Variants in MLPH observed in about 807,000 individuals in gnomAD.
MLPH encodes exophilin-3.
Under a neutral mutation model 72.1 loss-of-function variants are expected in MLPH, and 51 were observed. That is an observed-to-expected ratio of 0.71 (90% CI 0.56 to 0.89). The LOEUF (loss-of-function observed/expected upper bound fraction) is 0.89, where lower values mean the gene tolerates loss of function less well. Among genes scored for constraint, MLPH ranks in the 40% least tolerant of loss-of-function variants. The pLI, the probability that MLPH is intolerant of heterozygous loss-of-function variation, is 0.00. For missense variants in MLPH, 743 were observed against 759.9 expected (o/e 0.98, Z 0.26); for synonymous variants, 301 against 310.1 (o/e 0.97, Z 0.31).
Position 237,552,319 on chromosome 2 carries a change from T to C in MLPH, c.1676-18T>C, listed in dbSNP as rs749551407. 1.2e-6 allele frequency: 2 copies of C among 1,610,498 alleles called. No homozygotes were observed. The highest frequency in any genetic ancestry group is 3.3e-5 in the Admixed American group (2 of 60,010). ...TGTGATTGATAAAGCACCATCCCTCTTCCTGTTTTCCCCAAAGGTAAAGAT... is the reference window on the plus strand; with the variant it reads ...TGTGATTGATAAAGCACCATCCCTCCTCCTGTTTTCCCCAAAGGTAAAGAT... On this transcript the variant is annotated intron_variant, in intron 14 of 15. Transcript: ENST00000264605.
At chr2:237,508,596 C>T (rs2079825360) in intron 2 of MLPH, among the ~76,000 whole-genome samples, 2 of 152,328 alleles carry the variant, frequency 1.3e-5, no homozygotes, top group South Asian at 2.1e-4. Flanking sequence ...CCTTGTGACT[C>T]ACCCCCCTAA....
chr2:237,550,424 G>A (rs2081008533), intron 14 of MLPH, among the ~76,000 whole-genome samples: 1 of 152,328 alleles, frequency 6.6e-6, no homozygotes, highest in African/African-American at 2.4e-5. Flanking sequence ...TCACCAGCCA[G>A]GAGGGCAACT....
At chr2:237,539,049 G>A (rs372351942) in intron 9 of MLPH, among the ~76,000 whole-genome samples, 1 of 152,210 alleles carries the variant, frequency 6.6e-6, no homozygotes, top group Non-Finnish European at 1.5e-5. Context: ...AGGCAGGGGC[G>A]GGTGGGCGCG....
intron 15 of MLPH, 145 bp from the exon 16 acceptor site, chr2:237,553,421 A>G: frequency 1.2e-6 from 1 of 820,634 alleles, no homozygotes; most frequent in Non-Finnish European, 2.0e-6. Context: ...GCATGTGTGC[A>G]CAAACGTGTA....
chr2:237,500,082 C>T (rs900707314), intron 2 of MLPH, among the ~76,000 whole-genome samples: 1 of 152,108 alleles, frequency 6.6e-6, no homozygotes, highest in African/African-American at 2.4e-5. Context: ...TAGAAAAATC[C>T]AATAATGGTA....
intron 2 of MLPH, among the ~76,000 whole-genome samples, chr2:237,506,411 A>G (rs2079772782): frequency 6.6e-6 from 1 of 152,160 alleles, no homozygotes; most frequent in South Asian, 2.1e-4. Context: ...CGAATTGTAG[A>G]AGGAAAGGGC....
At position 237,542,665 on chromosome 2, in the gene MLPH, T is replaced by TG. The variant is rs539913151; in HGVS notation, c.1539+12dup. The stretch of plus-strand genomic sequence containing the variant: ...GGAGGAAGTCAAACCTCCCGGTGAG[T>TG]GGGGGGCAGTGGTGAGTGGAGACAG... On this transcript the variant is annotated splice_region_variant and intron_variant, in intron 12 of 15. Transcript: ENST00000264605. The TG allele has an allele frequency of 1.5e-5, 21 of 1,445,266 alleles. No homozygotes were observed. The highest frequency in any genetic ancestry group is 3.6e-5 in the South Asian group (3 of 82,682). 89.5% of individuals were successfully genotyped at this position (1,445,266 alleles called of 1,614,324 possible).
chr2:237,523,817 C>T (rs376776066), intron 6 of MLPH, among the ~76,000 whole-genome samples: 3 of 152,150 alleles, frequency 2.0e-5, no homozygotes, highest in East Asian at 3.9e-4. Flanking sequence ...AAGAGTTCTC[C>T]TACTAGATTA....
chr2:237,531,246 G>A (rs2080414955), intron 8 of MLPH, among the ~76,000 whole-genome samples: 1 of 152,040 alleles, frequency 6.6e-6, no homozygotes, highest in African/African-American at 2.4e-5. Context: ...TGAGAAAAGG[G>A]GAAGAGCCAA....
At chr2:237,513,125 G>C (rs556109307) in intron 4 of MLPH, among the ~76,000 whole-genome samples, 1 of 151,854 alleles carries the variant, frequency 6.6e-6, no homozygotes, top group Non-Finnish European at 1.5e-5. Flanking sequence ...AAAAAGGAGG[G>C]TAAAAAAGCT....
chr2:237,501,880 T>C (rs991639688), intron 2 of MLPH, among the ~76,000 whole-genome samples: 2 of 152,150 alleles, frequency 1.3e-5, no homozygotes, highest in African/African-American at 4.8e-5. Context: ...ATCTAATGTG[T>C]GTTAAAACTT....
Position 237,540,856 on chromosome 2 carries a change from G to A in MLPH, c.1345G>A (p.Gly449Arg). ...NRQEKSPQDP[G>R]DPVQYNRTTD... ...ACAGGAAAAAAGCCCCCAGGACCCT[G>A]GGGACCCCGTCCAGTACAACAGGAC... Residue 449 changes from glycine (G) to arginine (R), a missense_variant, in exon 11 of 16, where the codon GGG (glycine) becomes AGG (arginine). Coordinates refer to ENST00000264605, the MANE Select transcript of MLPH (RefSeq NM_024101.7). The A allele has an allele frequency of 3.7e-6, 6 of 1,613,368 alleles. No individual in the cohort carries two copies. Among genetic ancestry groups the A allele is most frequent in the Non-Finnish European group, 5.1e-6 (6 of 1,179,974 alleles).
chr2:237,510,463 G>C lies in MLPH; in HGVS notation c.111-111G>C. On this transcript the variant is annotated intron_variant, in intron 2 of 15. Coordinates refer to ENST00000264605, the MANE Select transcript of MLPH (RefSeq NM_024101.7). This position sits in a 1 kb window ranked among gnomAD's most constrained non-coding sequence, Gnocchi z 4.4. ...TTTCTGCATAGGAGACAGTTACTGT[G>C]TGTGTGTATGTGTCTGTGTCTGTGT... The C allele has an allele frequency of 1.0e-6, 1 of 1,002,590 alleles. No homozygotes were observed. The highest frequency in any genetic ancestry group is 2.2e-4 in the Middle Eastern group (1 of 4,532). 62.1% of individuals were successfully genotyped at this position (1,002,590 alleles called of 1,614,324 possible). A position where few individuals can be genotyped will look rare whatever the true frequency, so the allele number is the denominator to read the frequency against.
chr2:237,501,668 A>C lies in MLPH; in HGVS notation c.110+8132A>C, dbSNP rs1435371473. Among the ~76,000 whole-genome samples, 499 of 126,784 alleles carry C rather than the reference A, an allele frequency of 3.9e-3. 1 individual carries two copies. Among genetic ancestry groups the C allele is most frequent in the African/African-American group, 0.019 (464 of 24,466 alleles). The allele number at this position is 126,784 out of a possible 152,430, so 83.2% of individuals were successfully genotyped here. A position where few individuals can be genotyped will look rare whatever the true frequency, so the allele number is the denominator to read the frequency against. On this transcript the variant is annotated intron_variant, in intron 2 of 15. Transcript: ENST00000264605. ...ATAGTGAAACCACGTCTCTACTAAA[A>C]AAAAAAAAAAAAAAAAAAAAATACA... is the stretch of plus-strand genomic sequence containing the variant.
At chr2:237,495,138 C>G (rs1474460012) in intron 2 of MLPH, among the ~76,000 whole-genome samples, 1 of 152,214 alleles carries the variant, frequency 6.6e-6, no homozygotes, top group Non-Finnish European at 1.5e-5. Flanking sequence ...CTCTCTCTCA[C>G]CCTCCCTCCC....
intron 8 of MLPH, among the ~76,000 whole-genome samples, chr2:237,528,228 T>C (rs1247035693): frequency 6.6e-6 from 1 of 152,216 alleles, no homozygotes; most frequent in African/African-American, 2.4e-5. Context: ...AATGTGAATA[T>C]ACTTAATACC....
chr2:237,501,427 G>A (rs542244923), intron 2 of MLPH, among the ~76,000 whole-genome samples: 7 of 94,308 alleles, frequency 7.4e-5, no homozygotes, highest in East Asian at 3.5e-4. Context: ...TAGCATTCGC[G>A]GGTCTATCTG....
intron 8 of MLPH, among the ~76,000 whole-genome samples, chr2:237,533,378 CTATTT>C (rs1215679122): frequency 7.1e-6 from 1 of 141,524 alleles, no homozygotes; most frequent in African/African-American, 2.6e-5. Context: ...AGTCTCTTCT[CTATTT>C]TCTTTTCTTT....
chr2:237,553,871 G>A lies in MLPH; in HGVS notation c.*279G>A, dbSNP rs1036285780. 3.7e-5 allele frequency: 23 copies of A among 624,442 alleles called. No homozygotes were observed. Among genetic ancestry groups the A allele is most frequent in the African/African-American group, 3.2e-4 (18 of 55,512 alleles). The allele number at this position is 624,442 out of a possible 1,614,324, so 38.7% of individuals were successfully genotyped here. A position where few individuals can be genotyped will look rare whatever the true frequency, so the allele number is the denominator to read the frequency against. ...TGTGACTTCCCTTTAGGACAATGTT[G>A]TGTAAATCTTTGAAGGACACACCGA... On this transcript the variant is annotated 3_prime_UTR_variant, in exon 16 of 16. Coordinates refer to ENST00000264605, the MANE Select transcript of MLPH (RefSeq NM_024101.7).
Sources: allele counts gnomAD v4.1 joint callset (sites outside exome capture counted in the v4.1 genomes callset), GRCh38; gene constraint gnomAD v4.1.1; non-coding constraint Gnocchi (gnomAD v3.1); transcripts MANE v1.5; gene names NCBI Gene and HGNC (gene_info 2026-07-23, HGNC 2026-07-21).